NCOR1: variants seen among roughly 807,000 people sequenced by gnomAD.
The protein encoded by NCOR1 is protein phosphatase 1, regulatory subunit 109.
Under a neutral mutation model 288.1 loss-of-function variants are expected in NCOR1, and 63 were observed. That is an observed-to-expected ratio of 0.22 (90% CI 0.18 to 0.27). NCOR1 has a LOEUF of 0.27. Among genes scored for constraint, NCOR1 ranks in the 10% least tolerant of loss-of-function variants. NCOR1 has a pLI of 1.00. For missense variants in NCOR1, 2,397 were observed against 3,019.2 expected (o/e 0.79, Z 4.83); for synonymous variants, 1,007 against 1,065.9 (o/e 0.94, Z 1.08).
intron 40 of NCOR1, among the ~76,000 whole-genome samples, chr17:16,055,904 C>T (rs946967542): frequency 1.3e-5 from 2 of 152,018 alleles, no homozygotes; most frequent in African/African-American, 4.8e-5. Flanking sequence ...TGACTAAGTC[C>T]GAGATTTGCT....
At chr17:16,143,300 T>C (rs1378547860) in intron 11 of NCOR1, among the ~76,000 whole-genome samples, 2 of 152,200 alleles carry the variant, frequency 1.3e-5, no homozygotes, top group African/African-American at 2.4e-5. Context: ...CCATTCTACC[T>C]TTCTATTACA....
intron 16 of NCOR1, 131 bp downstream of exon 16, chr17:16,120,921 A>C: frequency 1.2e-6 from 1 of 832,482 alleles, no homozygotes; most frequent in Non-Finnish European, 1.7e-6. Flanking sequence ...TAAAGTTTAA[A>C]AAATTTAAAG....
intron 5 of NCOR1, among the ~76,000 whole-genome samples, chr17:16,161,669 G>A (rs1243804182): frequency 6.6e-6 from 1 of 152,094 alleles, no homozygotes; most frequent in East Asian, 1.9e-4. Flanking sequence ...AAATTTTATT[G>A]AAATTGTGTG....
chr17:16,081,619 C>T (rs540769704), intron 23 of NCOR1, among the ~76,000 whole-genome samples: 1 of 152,144 alleles, frequency 6.6e-6, no homozygotes, highest in Non-Finnish European at 1.5e-5. Context: ...TGTTTGACTT[C>T]TCTGTTGGTT....
intron 31 of NCOR1, chr17:16,068,429 T>G (rs945499579): frequency 1.8e-5 from 5 of 284,832 alleles, no homozygotes; most frequent in African/African-American, 1.1e-4. Flanking sequence ...TATGAATCAT[T>G]TTGTTTTTTG....
intron 20 of NCOR1, among the ~76,000 whole-genome samples, chr17:16,099,422 A>G (rs1039876381): frequency 6.6e-6 from 1 of 152,250 alleles, no homozygotes; most frequent in African/African-American, 2.4e-5. Context: ...CTATATAAAG[A>G]AAGATTATAT....
At chr17:16,033,692 A>G (rs1461953353) in intron 45 of NCOR1, among the ~76,000 whole-genome samples, 1 of 152,250 alleles carries the variant, frequency 6.6e-6, no homozygotes, top group Non-Finnish European at 1.5e-5. Context: ...CTGTGATCAT[A>G]GTTATTACAT....
chr17:16,209,326 TA>T (rs1327879236), intron 1 of NCOR1, among the ~76,000 whole-genome samples: 1 of 152,098 alleles, frequency 6.6e-6, no homozygotes, highest in Non-Finnish European at 1.5e-5. Flanking sequence ...AAATTCTTCT[TA>T]ATGCAACACA....
At chr17:16,032,771 A>C (rs189353225) in intron 45 of NCOR1, among the ~76,000 whole-genome samples, 1 of 152,228 alleles carries the variant, frequency 6.6e-6, no homozygotes, top group African/African-American at 2.4e-5. Flanking sequence ...AGTTAAGTCT[A>C]TATCAGATGT....
intron 42 of NCOR1, chr17:16,041,417 T>TTTTTTTTC (rs2057565621): frequency 1.3e-5 from 2 of 149,054 alleles, no homozygotes; most frequent in Non-Finnish European, 3.0e-5. Context: ...TTTTTTTTTT[T>TTTTTTTTC]TTTTTCCTTT....
chr17:16,062,299 A>G, intron 35 of NCOR1, 29 bp from the exon 36 acceptor site: 1 of 1,565,810 alleles, frequency 6.4e-7, no homozygotes, highest in Non-Finnish European at 8.6e-7. Context: ...GAAAGAAACA[A>G]AGACATAAGG....
Position 16,138,186 on chromosome 17 carries a change from C to T in NCOR1, c.1379G>A (p.Gly460Glu). ...CCTCTCCAAGTATGATGCAATTAGT[C>T]CAAAGTTTTTTGGATGCTGGATAAA... The part of the protein sequence containing the change: ...DKFIQHPKNF[G>E]LIASYLERKS... Residue 460 changes from glycine (G) to glutamate (E), a missense_variant, in exon 13 of 46, where the codon GGA becomes GAA. Physicochemically the swap from Gly to Glu is moderately conservative, Grantham distance 98. Transcript: ENST00000268712. 6.2e-7 allele frequency: 1 copy of T among 1,613,378 alleles called. No homozygotes were observed. Among genetic ancestry groups the T allele is most frequent in the African/African-American group, 1.3e-5 (1 of 74,926 alleles).
chr17:16,120,237 C>A, intron 16 of NCOR1, among the ~76,000 whole-genome samples: 1 of 152,092 alleles, frequency 6.6e-6, no homozygotes, highest in Admixed American at 6.6e-5. Flanking sequence ...CTGCCTCCAG[C>A]CTTTATTCTG....
In NCOR1 at chr17:16,075,581, C is replaced by A; in HGVS notation, c.3623G>T (p.Gly1208Val). The A allele has an allele frequency of 6.2e-7, 1 of 1,614,202 alleles. No individual in the cohort carries two copies. The highest frequency in any genetic ancestry group is 8.5e-7 in the Non-Finnish European group (1 of 1,180,038). Residue 1208 changes from glycine to valine, a missense_variant, in exon 27 of 46, where the codon GGC (glycine) becomes GTC (valine). Around this residue, in one of 11 missense-constraint regions of NCOR1, gnomAD observed 1,872 missense variants for 2,187.8 expected, o/e 0.86. Transcript: ENST00000268712. ...ACTTTTGCCTTCATAAATAACATGG[C>A]CTTTGGATGCAGCTTCCTCTCTGCC... ...EKGREEAASK[G>V]HVIYEGKSGH...
chr17:16,058,160 A>T, intron 38 of NCOR1, 96 bp from the exon 39 acceptor site: 1 of 1,344,484 alleles, frequency 7.4e-7, no homozygotes, highest in East Asian at 2.3e-5. Context: ...ACCTGAAAGG[A>T]TGTGGTACAT....
intron 19 of NCOR1, 141 bp from the exon 20 acceptor site, chr17:16,101,898 T>C (rs897555852): frequency 9.4e-7 from 1 of 1,068,226 alleles, no homozygotes; most frequent in Admixed American, 2.6e-5. Flanking sequence ...TTAGGATGAA[T>C]TCTACTCCTT....
intron 4 of NCOR1, among the ~76,000 whole-genome samples, chr17:16,170,766 G>A (rs1398457486): frequency 1.3e-5 from 2 of 151,526 alleles, no homozygotes; most frequent in Non-Finnish European, 2.9e-5. Flanking sequence ...ACCAGGACCC[G>A]GGAGGCGGAG....
intron 29 of NCOR1, 56 bp from the exon 30 acceptor site, chr17:16,071,721 C>T (rs2061783403): frequency 1.3e-6 from 2 of 1,512,274 alleles, no homozygotes. Flanking sequence ...ACAACAATGC[C>T]ACGGAACTGT....
At chr17:16,152,312 C>T (rs529797096) in intron 7 of NCOR1, among the ~76,000 whole-genome samples, 2 of 151,970 alleles carry the variant, frequency 1.3e-5, no homozygotes, top group African/African-American at 4.8e-5. Flanking sequence ...CCATGCCCCA[C>T]CCCCTGACAG....
Sources: gnomAD v4.1 joint callset for allele counts (sites outside exome capture counted in the v4.1 genomes callset) on GRCh38, gnomAD v4.1.1 for gene constraint, gnomAD v4.1.1 regional missense constraint, MANE v1.5 for transcripts, NCBI Gene and HGNC (gene_info 2026-07-23, HGNC 2026-07-21) for gene names.